MACROD2: variants seen among roughly 807,000 people sequenced by gnomAD.
MACROD2 encodes mono-ADP ribosylhydrolase 2.
Under a neutral mutation model 70.4 loss-of-function variants are expected in MACROD2, and 36 were observed. The observed-to-expected ratio is 0.51, with a 90% CI of 0.39 to 0.68. The LOEUF (loss-of-function observed/expected upper bound fraction) is 0.68, where lower values mean the gene tolerates loss of function less well. Ranked by LOEUF, MACROD2 falls within the 30% of genes least tolerant of loss-of-function variation. The probability of loss-of-function intolerance (pLI) is 0.00; values close to 1 mark genes in which losing one functional copy is unlikely to be tolerated. For missense variants in MACROD2, 496 were observed against 538.4 expected, an observed-to-expected ratio of 0.92 and a Z score of 0.78; for synonymous variants, 172 against 178.8, an observed-to-expected ratio of 0.96 and a Z score of 0.30.
chr20:15,511,249 T>C (rs1018765066), intron 8 of MACROD2, among the ~76,000 whole-genome samples: 2 of 152,222 alleles, frequency 1.3e-5, no homozygotes, highest in East Asian at 3.8e-4. Flanking sequence ...TTAAATGATA[T>C]CATTTAAGTT....
At chr20:14,752,124 G>A (rs993885056) in intron 5 of MACROD2, among the ~76,000 whole-genome samples, 3 of 134,770 alleles carry the variant, frequency 2.2e-5, no homozygotes, top group African/African-American at 8.5e-5. Flanking sequence ...TCTACTTAGT[G>A]TTATCCATGA....
intron 5 of MACROD2, among the ~76,000 whole-genome samples, chr20:15,227,778 A>G (rs922551736): frequency 2.1e-5 from 3 of 140,538 alleles, no homozygotes; most frequent in Non-Finnish European, 4.5e-5. Flanking sequence ...TTAAATGCCC[A>G]CTGAAGTCTT....
chr20:14,584,966 C>T (rs1369889594), intron 4 of MACROD2, among the ~76,000 whole-genome samples: 1 of 152,162 alleles, frequency 6.6e-6, no homozygotes, highest in South Asian at 2.1e-4. Context: ...CTATGATTAG[C>T]AAATCCTTTG....
chr20:14,030,459 C>T (rs1335842403), intron 2 of MACROD2, among the ~76,000 whole-genome samples: 2 of 151,848 alleles, frequency 1.3e-5, no homozygotes, highest in African/African-American at 4.8e-5. Context: ...CCCAGGCTGA[C>T]GTGCAGTGGC....
At chr20:15,423,224 A>T (rs1325866140) in intron 6 of MACROD2, among the ~76,000 whole-genome samples, 1 of 152,196 alleles carries the variant, frequency 6.6e-6, no homozygotes, top group Non-Finnish European at 1.5e-5. Context: ...CTGATCTGAG[A>T]CTGAGTTTAC....
chr20:15,977,787 C>T (rs1270062556), intron 13 of MACROD2, among the ~76,000 whole-genome samples: 3 of 152,058 alleles, frequency 2.0e-5, no homozygotes, highest in African/African-American at 7.2e-5. Context: ...AAGATATACA[C>T]TTAAGGTTTG....
intron 5 of MACROD2, among the ~76,000 whole-genome samples, chr20:15,117,647 G>T (rs1314683516): frequency 6.6e-6 from 1 of 152,138 alleles, no homozygotes; most frequent in Admixed American, 6.5e-5. Context: ...TTCATATCAT[G>T]TATTATGACT....
chr20:15,637,031 A>C (rs568013997), intron 8 of MACROD2, among the ~76,000 whole-genome samples: 10 of 152,330 alleles, frequency 6.6e-5, no homozygotes, highest in African/African-American at 2.2e-4. Flanking sequence ...AATGCTGCAG[A>C]TAAGATTCAG....
chr20:15,261,492 T>C (rs1454448405), intron 6 of MACROD2, among the ~76,000 whole-genome samples: 1 of 152,036 alleles, frequency 6.6e-6, no homozygotes, highest in Non-Finnish European at 1.5e-5. Flanking sequence ...CATTTCAATA[T>C]AGAAACCTGT....
intron 2 of MACROD2, among the ~76,000 whole-genome samples, chr20:14,046,711 TC>T (rs1297405762): frequency 1.4e-5 from 2 of 141,880 alleles, no homozygotes; most frequent in Admixed American, 7.3e-5. Flanking sequence ...TCCCAAGCAT[TC>T]TCTTTTATTT....
intron 3 of MACROD2, among the ~76,000 whole-genome samples, chr20:14,334,781 A>G (rs2082907600): frequency 6.9e-6 from 1 of 143,986 alleles, no homozygotes; most frequent in African/African-American, 2.5e-5. Flanking sequence ...TGATTTAAAC[A>G]GTTATTTCTA....
intron 3 of MACROD2, among the ~76,000 whole-genome samples, chr20:14,400,446 A>G (rs546421877): frequency 3.3e-5 from 5 of 152,146 alleles, no homozygotes; most frequent in Non-Finnish European, 2.9e-5. Flanking sequence ...TATCATATGC[A>G]TGTGCTGATC....
intron 5 of MACROD2, among the ~76,000 whole-genome samples, chr20:15,109,058 A>T (rs926250050): frequency 6.6e-6 from 1 of 152,222 alleles, no homozygotes; most frequent in Admixed American, 6.5e-5. Context: ...GTTGATTGAC[A>T]TTCAGCCACA....
At chr20:14,233,340 T>C (rs1369807110) in intron 3 of MACROD2, among the ~76,000 whole-genome samples, 1 of 152,030 alleles carries the variant, frequency 6.6e-6, no homozygotes, top group Non-Finnish European at 1.5e-5. Context: ...TCAATATCTG[T>C]GAAGCACAAT....
At chr20:14,269,770 C>G (rs1391299525) in intron 3 of MACROD2, among the ~76,000 whole-genome samples, 1 of 151,084 alleles carries the variant, frequency 6.6e-6, no homozygotes, top group African/African-American at 2.4e-5. Context: ...ATTTGGAAGT[C>G]AGATTTTCTT....
intron 13 of MACROD2, among the ~76,000 whole-genome samples, 158 bp from the exon 14 acceptor site, chr20:15,986,569 A>G (rs1265378328): frequency 1.3e-5 from 2 of 152,220 alleles, no homozygotes; most frequent in Non-Finnish European, 2.9e-5. Flanking sequence ...TAATTGATAT[A>G]AATCTGATGA....
intron 6 of MACROD2, among the ~76,000 whole-genome samples, chr20:15,373,431 G>A (rs531522993): frequency 1.3e-5 from 2 of 151,992 alleles, no homozygotes; most frequent in Admixed American, 1.3e-4. Context: ...TAGAGACAGG[G>A]TGCTGTTCTC....
intron 3 of MACROD2, among the ~76,000 whole-genome samples, chr20:14,202,396 G>A (rs755414618): frequency 3.3e-5 from 5 of 152,132 alleles, no homozygotes; most frequent in Admixed American, 6.6e-5. Context: ...TATTAGATTA[G>A]AAGAAACACT....
intron 2 of MACROD2, among the ~76,000 whole-genome samples, chr20:14,047,314 G>A (rs898747765): frequency 6.6e-6 from 1 of 152,064 alleles, no homozygotes; most frequent in Non-Finnish European, 1.5e-5. Context: ...AATTAGCCGG[G>A]CATGGTGGCA....
Sources: gnomAD v4.1 joint callset for allele counts (sites outside exome capture counted in the v4.1 genomes callset) on GRCh38, gnomAD v4.1.1 for gene constraint, MANE v1.5 for transcripts, NCBI Gene and HGNC (gene_info 2026-07-23, HGNC 2026-07-21) for gene names.